SMOC2: variants seen among roughly 807,000 people sequenced by gnomAD.
SMOC2 encodes the protein SPARC-related modular calcium-binding protein 2.
Under a neutral mutation model 61.4 loss-of-function variants are expected in SMOC2, and 39 were observed. That is an observed-to-expected ratio of 0.64 (90% CI 0.49 to 0.83). SMOC2 has a LOEUF of 0.83. Ranked by LOEUF, SMOC2 falls within the 40% of genes least tolerant of loss-of-function variation. SMOC2 has a pLI of 0.00. For synonymous variants in SMOC2, 247 were observed against 239.9 expected (o/e 1.03, Z -0.27); for missense variants, 556 against 592.9 (o/e 0.94, Z 0.65).
intron 1 of SMOC2, among the ~76,000 whole-genome samples, chr6:168,442,226 G>T (rs1338909029): frequency 6.6e-6 from 1 of 152,282 alleles, no homozygotes; most frequent in Non-Finnish European, 1.5e-5. Flanking sequence ...CTTCCTCGTG[G>T]CAGGGATGCT....
chr6:168,651,391 C>T (rs1787187638), intron 10 of SMOC2, among the ~76,000 whole-genome samples: 1 of 152,094 alleles, frequency 6.6e-6, no homozygotes, highest in South Asian at 2.1e-4. Context: ...GTGAATTCTC[C>T]AACACTCCTC....
chr6:168,592,250 GC>G, intron 7 of SMOC2, among the ~76,000 whole-genome samples: 1 of 152,060 alleles, frequency 6.6e-6, no homozygotes, highest in Non-Finnish European at 1.5e-5. Flanking sequence ...CGCCCTTCAT[GC>G]TTCCTAAGGC....
chr6:168,473,470 A>G (rs1186220416), intron 1 of SMOC2, among the ~76,000 whole-genome samples: 3 of 152,076 alleles, frequency 2.0e-5, no homozygotes, highest in Non-Finnish European at 2.9e-5. Context: ...GTGAAACGAT[A>G]CTGTTACCTT....
rs148466622 is a variant in SMOC2 at position 168,553,234 on chromosome 6, C to T, written c.637+4031C>T. Among the ~76,000 whole-genome samples the T allele has an allele frequency of 2.5e-3, 386 of 152,206 alleles. 8 individuals are homozygous for T. Among genetic ancestry groups the T allele is most frequent in the Admixed American group, 0.019 (291 of 15,286 alleles). ...ATGTGAATCATATACATTAAATAAA[C>T]GAGTAAAATCTGAAGTTGCCTGTTA... On this transcript the variant is annotated intron_variant, in intron 7 of 12. Transcript: ENST00000356284. This position sits in a 1 kb window ranked among gnomAD's most constrained non-coding sequence, Gnocchi z 4.2.
At chr6:168,659,591 AGG>A (rs1787430727) in intron 11 of SMOC2, among the ~76,000 whole-genome samples, 1 of 111,050 alleles carries the variant, frequency 9.0e-6, no homozygotes, top group African/African-American at 3.5e-5. Context: ...TGGAGGTTGT[AGG>A]TTGGGTGAGG....
At chr6:168,531,017 G>A (rs1374286244) in intron 4 of SMOC2, among the ~76,000 whole-genome samples, 10 of 152,116 alleles carry the variant, frequency 6.6e-5, no homozygotes, top group Admixed American at 6.5e-5. Flanking sequence ...GGTGCCGTGC[G>A]CTAATGTCCT....
chr6:168,546,513 G>A (rs970037307), intron 5 of SMOC2, among the ~76,000 whole-genome samples: 4 of 152,004 alleles, frequency 2.6e-5, no homozygotes, highest in Non-Finnish European at 5.9e-5. Flanking sequence ...ACCCCAGTCC[G>A]CCCTTTCCTC....
intron 9 of SMOC2, among the ~76,000 whole-genome samples, chr6:168,623,329 A>ATTTT (rs11284179): frequency 0.012 from 1,561 of 129,018 alleles, 51 homozygotes; most frequent in African/African-American, 0.043. Context: ...TGGATAATTA[A>ATTTT]TTTTTTTTTT....
At chr6:168,655,679 TCA>T (rs1436939292) in intron 11 of SMOC2, among the ~76,000 whole-genome samples, 4 of 151,446 alleles carry the variant, frequency 2.6e-5, no homozygotes, top group Admixed American at 6.6e-5. Context: ...TAGATTTCCC[TCA>T]CACATGTGTG....
chr6:168,600,410 AAAAAAAAAAAAC>A (rs1160902975), intron 8 of SMOC2, among the ~76,000 whole-genome samples: 2,463 of 47,242 alleles, frequency 0.052, 139 homozygotes, highest in Non-Finnish European at 0.066. Context: ...TCTGCCTCAA[AAAAAAAAAAAAC>A]AAAAAAAAAA....
At chr6:168,536,085 G>T (rs1234694186) in intron 4 of SMOC2, among the ~76,000 whole-genome samples, 2 of 152,236 alleles carry the variant, frequency 1.3e-5, no homozygotes, top group Non-Finnish European at 2.9e-5. Context: ...TGGCCTGGCA[G>T]GTCTGTCGTG....
At chr6:168,523,098 T>TTTTTTTTTTTTTTTTTTG (rs1562569015) in intron 2 of SMOC2, among the ~76,000 whole-genome samples, 1 of 117,532 alleles carries the variant, frequency 8.5e-6, no homozygotes, top group African/African-American at 2.7e-5. Context: ...TTTTTTTTTT[T>TTTTTTTTTTTTTTTTTTG]TGAGACGGAG....
intron 8 of SMOC2, among the ~76,000 whole-genome samples, chr6:168,601,273 C>T (rs143667196): frequency 0.013 from 1,968 of 152,312 alleles, 42 homozygotes; most frequent in African/African-American, 0.043. Flanking sequence ...AGTGTGATGA[C>T]GCTGGAGCGT....
intron 1 of SMOC2, among the ~76,000 whole-genome samples, chr6:168,480,291 C>A (rs771384003): frequency 2.8e-4 from 42 of 152,040 alleles, no homozygotes; most frequent in Non-Finnish European, 4.1e-4. Flanking sequence ...TTGAAAAAGA[C>A]CTGATAGCAG....
chr6:168,482,345 A>G (rs1278900679), intron 1 of SMOC2, among the ~76,000 whole-genome samples: 2 of 152,026 alleles, frequency 1.3e-5, no homozygotes, highest in African/African-American at 4.8e-5. Flanking sequence ...AATTCCTAGA[A>G]AAATAAAACC....
intron 5 of SMOC2, among the ~76,000 whole-genome samples, chr6:168,545,229 G>C (rs1013512565): frequency 3.3e-5 from 5 of 150,858 alleles, no homozygotes; most frequent in Non-Finnish European, 7.4e-5. Flanking sequence ...TCTTAATCCT[G>C]TTTATTATGA....
intron 9 of SMOC2, among the ~76,000 whole-genome samples, chr6:168,620,358 T>C (rs183662862): frequency 6.4e-4 from 97 of 152,310 alleles, no homozygotes; most frequent in African/African-American, 2.2e-3. Flanking sequence ...GCCTGTTGCA[T>C]AGGTGGTGCT....
rs112805851 is a variant in SMOC2, at chr6:168,535,158, A to G, written c.463+7431A>G. On this transcript the variant is annotated intron_variant, in intron 4 of 12. Coordinates refer to ENST00000356284, the MANE Select transcript of SMOC2 (RefSeq NM_001166412.2). This position sits in a 1 kb window ranked among gnomAD's most constrained non-coding sequence, Gnocchi z 4.6. ...GCTAATGTTTTGTATTTTTAGTAGA[A>G]ACGGGGTTTCACCGTGTTAGCCTGG... Among the ~76,000 whole-genome samples, 995 of 151,866 alleles carry G rather than the reference A, an allele frequency of 6.6e-3. 6 individuals carry two copies. Among genetic ancestry groups the G allele is most frequent in the South Asian group, 0.028 (133 of 4,772 alleles).
At chr6:168,507,990 C>T (rs1583065459) in intron 1 of SMOC2, among the ~76,000 whole-genome samples, 1 of 152,280 alleles carries the variant, frequency 6.6e-6, no homozygotes, top group East Asian at 1.9e-4. Context: ...CTCCAAAACA[C>T]ACAGGCTTAC....
Sources: allele counts gnomAD v4.1 joint callset (sites outside exome capture counted in the v4.1 genomes callset), GRCh38; gene constraint gnomAD v4.1.1; non-coding constraint Gnocchi (gnomAD v3.1); transcripts MANE v1.5; gene names NCBI Gene and HGNC (gene_info 2026-07-23, HGNC 2026-07-21).